LHFPL3: variants seen among roughly 807,000 people sequenced by gnomAD.
LHFPL3 encodes the protein LHFPL tetraspan subfamily member 3, also known as LHFPL tetraspan subfamily member 3 protein.
A neutral mutation model predicts 19.3 loss-of-function variants in LHFPL3; 5 were observed. That is an observed-to-expected ratio of 0.26 (90% CI 0.14 to 0.54). The LOEUF (loss-of-function observed/expected upper bound fraction) is 0.54. Ranked by LOEUF, LHFPL3 falls within the 20% of genes least tolerant of loss-of-function variation. The pLI is 0.94. For synonymous variants in LHFPL3, 133 were observed against 126.2 expected, an observed-to-expected ratio of 1.05 and a Z score of -0.36; for missense variants, 249 against 307.4, an observed-to-expected ratio of 0.81 and a Z score of 1.42.
At chr7:104,480,874 G>A (rs1793121562) in intron 1 of LHFPL3, among the ~76,000 whole-genome samples, 2 of 152,182 alleles carry the variant, frequency 1.3e-5, no homozygotes, top group South Asian at 4.1e-4. Flanking sequence ...GCTAAGGCTG[G>A]AATGGTAGGA....
intron 2 of LHFPL3, among the ~76,000 whole-genome samples, chr7:104,866,659 C>T (rs949164608): frequency 7.9e-5 from 12 of 152,158 alleles, no homozygotes; most frequent in African/African-American, 2.9e-4. Flanking sequence ...CAACATTAGA[C>T]AGATCAATGA....
intron 2 of LHFPL3, among the ~76,000 whole-genome samples, chr7:104,795,286 C>T (rs1486860559): frequency 1.3e-5 from 2 of 152,200 alleles, no homozygotes; most frequent in Non-Finnish European, 2.9e-5. Flanking sequence ...CACACAAGAT[C>T]CTAATTACCA....
chr7:104,866,678 G>A (rs1345096491), intron 2 of LHFPL3, among the ~76,000 whole-genome samples: 1 of 152,164 alleles, frequency 6.6e-6, no homozygotes, highest in Non-Finnish European at 1.5e-5. Flanking sequence ...GAGACAGAAA[G>A]TTAACAAGGA....
At chr7:104,417,884 C>CTTCTTTTTT (rs1554391164) in intron 1 of LHFPL3, among the ~76,000 whole-genome samples, 5 of 117,748 alleles carry the variant, frequency 4.2e-5, no homozygotes, top group African/African-American at 1.4e-4. Context: ...TCTTCTTCTT[C>CTTCTTTTTT]TTTTTTTTTT....
rs146983550 is a variant in LHFPL3, at chr7:104,908,439, G to A, written c.*2224G>A. 2.6e-3 allele frequency among the ~76,000 whole-genome samples: 401 copies of A among 151,762 alleles called. 10 individuals are homozygous for A. The East Asian group carries it at 0.035, about 13-fold the overall frequency. ...ACTCCCTTTCTCATTCTGTTCTGTT[G>A]TATTGCGTCCAAAAGTTGTGTGTAA... On this transcript the variant is annotated 3_prime_UTR_variant, in exon 3 of 3. Coordinates refer to ENST00000424859, the MANE Select transcript of LHFPL3 (RefSeq NM_199000.3).
At chr7:104,502,555 G>A (rs560395429) in intron 1 of LHFPL3, among the ~76,000 whole-genome samples, 2 of 152,218 alleles carry the variant, frequency 1.3e-5, no homozygotes, top group South Asian at 2.1e-4. Flanking sequence ...TCCCATTCTC[G>A]AGCTACATGA....
At chr7:104,337,476 G>T (rs73421533) in intron 1 of LHFPL3, among the ~76,000 whole-genome samples, 6,612 of 152,116 alleles carry the variant, frequency 0.043, 449 homozygotes, top group African/African-American at 0.15. Flanking sequence ...TTCACCCCCA[G>T]TCAGGGAATT....
At chr7:104,776,775 T>C (rs766176866) in intron 2 of LHFPL3, among the ~76,000 whole-genome samples, 1 of 152,222 alleles carries the variant, frequency 6.6e-6, no homozygotes, top group African/African-American at 2.4e-5. Context: ...ACACGCAGGA[T>C]GTGAGGATTC....
At chr7:104,533,172 C>A (rs1285006442) in intron 1 of LHFPL3, among the ~76,000 whole-genome samples, 3 of 152,176 alleles carry the variant, frequency 2.0e-5, no homozygotes, top group Non-Finnish European at 4.4e-5. Flanking sequence ...AACAACAGAA[C>A]TAATGGACAT....
At chr7:104,888,825 G>A (rs371953065) in intron 2 of LHFPL3, among the ~76,000 whole-genome samples, 2 of 152,298 alleles carry the variant, frequency 1.3e-5, no homozygotes, top group East Asian at 1.9e-4. Flanking sequence ...TTTTCCAGGC[G>A]AAGGAAGAGG....
At chr7:104,605,398 G>A (rs995777044) in intron 1 of LHFPL3, among the ~76,000 whole-genome samples, 54 of 152,228 alleles carry the variant, frequency 3.5e-4, no homozygotes, top group African/African-American at 1.3e-3. Context: ...TGATAGACAG[G>A]TATACTAATT....
At chr7:104,518,019 T>A (rs6944736) in intron 1 of LHFPL3, among the ~76,000 whole-genome samples, 1 of 151,976 alleles carries the variant, frequency 6.6e-6, no homozygotes, top group East Asian at 1.9e-4. Flanking sequence ...GTATAATAAT[T>A]CAAAAAAAAC....
intron 1 of LHFPL3, among the ~76,000 whole-genome samples, chr7:104,522,118 CAA>C (rs1310909906): frequency 6.6e-6 from 1 of 151,942 alleles, no homozygotes; most frequent in Non-Finnish European, 1.5e-5. Flanking sequence ...TTCACAATAG[CAA>C]AGACTTGGAA....
In LHFPL3 at chr7:104,498,496, G is replaced by GTT. The variant is rs35269120; in HGVS notation, c.445+169289_445+169290dup. Among the ~76,000 whole-genome samples the GTT allele has an allele frequency of 1.2e-3, 160 of 134,798 alleles. 2 individuals are homozygous for GTT. The highest frequency in any genetic ancestry group is 3.8e-3 in the Middle Eastern group (1 of 262). 88.4% of individuals were successfully genotyped at this position (134,798 alleles called of 152,430 possible). A position where few individuals can be genotyped will look rare whatever the true frequency, so the allele number is the denominator to read the frequency against. ...TTTACCTGCTGTACATGGAAGCAAT[G>GTT]TTTTTTTTTTTTTTTTTTGAGACAG... On this transcript the variant is annotated intron_variant, in intron 1 of 2. Transcript: ENST00000424859.
At chr7:104,824,593 TTATA>T (rs1436048467) in intron 2 of LHFPL3, among the ~76,000 whole-genome samples, 1 of 77,244 alleles carries the variant, frequency 1.3e-5, no homozygotes, top group Non-Finnish European at 2.2e-5. Context: ...ATATATATAA[TTATA>T]TATTATATAT....
At chr7:104,563,439 G>T (rs10263293) in intron 1 of LHFPL3, among the ~76,000 whole-genome samples, 1 of 145,294 alleles carries the variant, frequency 6.9e-6, no homozygotes, top group African/African-American at 2.5e-5. Context: ...GGAGTGACCC[G>T]ATTTTCCAGG....
chr7:104,453,616 T>C (rs1430846636), intron 1 of LHFPL3, among the ~76,000 whole-genome samples: 2 of 152,126 alleles, frequency 1.3e-5, no homozygotes, highest in African/African-American at 2.4e-5. Flanking sequence ...CCTGTTGATA[T>C]AGTTTGGAAA....
At chr7:104,402,770 C>G (rs1305024663) in intron 1 of LHFPL3, among the ~76,000 whole-genome samples, 2 of 152,168 alleles carry the variant, frequency 1.3e-5, no homozygotes, top group Non-Finnish European at 2.9e-5. Flanking sequence ...TTATAGATGT[C>G]AAATAACATT....
intron 1 of LHFPL3, among the ~76,000 whole-genome samples, chr7:104,735,127 T>C (rs989236465): frequency 3.3e-5 from 5 of 152,198 alleles, no homozygotes; most frequent in Non-Finnish European, 7.4e-5. Context: ...AGTCTGCCCC[T>C]ACTAGGGGTG....
Sources: allele counts gnomAD v4.1 joint callset (sites outside exome capture counted in the v4.1 genomes callset), GRCh38; gene constraint gnomAD v4.1.1; transcripts MANE v1.5; gene names NCBI Gene and HGNC (gene_info 2026-07-23, HGNC 2026-07-21).